CDH13: variants seen among roughly 807,000 people sequenced by gnomAD.
The protein encoded by CDH13 is cadherin-13.
CDH13 carries 24 observed loss-of-function variants against 63.8 expected under a neutral mutation model. The observed-to-expected ratio is 0.38, with a 90% confidence interval of 0.27 to 0.53. The LOEUF (loss-of-function observed/expected upper bound fraction) is 0.53, where lower values mean the gene tolerates loss of function less well. Ranked by LOEUF, CDH13 falls within the 20% of genes least tolerant of loss-of-function variation. The pLI is 0.85. For missense variants in CDH13, 1,049 were observed against 903.1 expected (o/e 1.16, Z -2.07); for synonymous variants, 503 against 355.3 (o/e 1.42, Z -4.67).
chr16:82,800,350 G>C (rs1051969755), intron 1 of CDH13, among the ~76,000 whole-genome samples: 5 of 152,118 alleles, frequency 3.3e-5, no homozygotes, highest in African/African-American at 9.7e-5. Flanking sequence ...TAGCCAGTCT[G>C]AGGCAAAAGC....
intron 1 of CDH13, among the ~76,000 whole-genome samples, chr16:82,673,868 C>G (rs567470732): frequency 6.6e-6 from 1 of 152,164 alleles, no homozygotes; most frequent in Admixed American, 6.5e-5. Flanking sequence ...ACTCCAGGTC[C>G]TCAAAAACTG....
intron 2 of CDH13, among the ~76,000 whole-genome samples, chr16:83,004,865 T>A (rs188599232): frequency 6.6e-6 from 1 of 152,342 alleles, no homozygotes; most frequent in East Asian, 1.9e-4. Flanking sequence ...TACAGCAGCT[T>A]TGTGATTCCA....
At chr16:82,968,862 G>A (rs766761975) in intron 2 of CDH13, among the ~76,000 whole-genome samples, 1 of 152,214 alleles carries the variant, frequency 6.6e-6, no homozygotes, top group African/African-American at 2.4e-5. Context: ...GCTCACGCCT[G>A]TAATCCCAGC....
chr16:83,386,295 C>T (rs2091673118), intron 6 of CDH13, among the ~76,000 whole-genome samples: 1 of 152,174 alleles, frequency 6.6e-6, no homozygotes, highest in Non-Finnish European at 1.5e-5. Context: ...CCAGACAAAA[C>T]CAGCATCAGG....
intron 5 of CDH13, among the ~76,000 whole-genome samples, chr16:83,313,795 T>C (rs2090049685): frequency 1.3e-5 from 2 of 152,218 alleles, no homozygotes; most frequent in African/African-American, 4.8e-5. Flanking sequence ...TGGAATTGGC[T>C]AAGGAAGAAC....
At chr16:83,476,023 A>T (rs1172120582) in intron 6 of CDH13, among the ~76,000 whole-genome samples, 2 of 152,234 alleles carry the variant, frequency 1.3e-5, no homozygotes. Context: ...TCAATTATTT[A>T]CCTGCTTCCT....
intron 7 of CDH13, among the ~76,000 whole-genome samples, chr16:83,515,092 G>T (rs1216031580): frequency 6.6e-6 from 1 of 152,202 alleles, no homozygotes; most frequent in Admixed American, 6.5e-5. Flanking sequence ...CTCATCTTGT[G>T]CTGTGTCGTA....
At chr16:83,112,315 G>C (rs929935535) in intron 3 of CDH13, among the ~76,000 whole-genome samples, 1 of 152,198 alleles carries the variant, frequency 6.6e-6, no homozygotes, top group African/African-American at 2.4e-5. Flanking sequence ...AAGACATTCA[G>C]AGATCCAGGC....
chr16:83,281,097 TG>T (rs1489950374), intron 5 of CDH13, among the ~76,000 whole-genome samples: 1 of 152,216 alleles, frequency 6.6e-6, no homozygotes, highest in Non-Finnish European at 1.5e-5. Flanking sequence ...TCTCTAGCTA[TG>T]AAAGTCCTAC....
chr16:82,752,261 T>A (rs1014584467), intron 1 of CDH13, among the ~76,000 whole-genome samples: 1 of 152,144 alleles, frequency 6.6e-6, no homozygotes, highest in Non-Finnish European at 1.5e-5. Flanking sequence ...ATGGAACTAA[T>A]AGTGGATTTC....
chr16:83,620,252 G>A (rs1016050151), intron 8 of CDH13, among the ~76,000 whole-genome samples: 4 of 151,996 alleles, frequency 2.6e-5, no homozygotes, highest in East Asian at 1.9e-4. Context: ...TTAGCCGGGC[G>A]TGGTGGCATG....
intron 11 of CDH13, among the ~76,000 whole-genome samples, chr16:83,757,654 C>T (rs1223948816): frequency 6.6e-6 from 1 of 152,018 alleles, no homozygotes; most frequent in Non-Finnish European, 1.5e-5. Context: ...ATTGTAAACT[C>T]ATATCGAAAC....
At chr16:83,077,564 C>T (rs1264927477) in intron 3 of CDH13, among the ~76,000 whole-genome samples, 1 of 152,130 alleles carries the variant, frequency 6.6e-6, no homozygotes, top group Non-Finnish European at 1.5e-5. Context: ...AGGTAATATT[C>T]TGTCACCTGG....
chr16:83,365,911 T>G (rs1307785904), intron 6 of CDH13, among the ~76,000 whole-genome samples: 4 of 152,098 alleles, frequency 2.6e-5, no homozygotes, highest in Non-Finnish European at 5.9e-5. Flanking sequence ...CCCCAGGGAC[T>G]CCAATAAGGA....
At chr16:83,063,869 G>A (rs1173092955) in intron 3 of CDH13, among the ~76,000 whole-genome samples, 1 of 152,046 alleles carries the variant, frequency 6.6e-6, no homozygotes, top group African/African-American at 2.4e-5. Flanking sequence ...AACTTCAAAG[G>A]CAATTGTGTA....
intron 3 of CDH13, among the ~76,000 whole-genome samples, chr16:83,111,867 C>T (rs1220437148): frequency 6.6e-6 from 1 of 152,186 alleles, no homozygotes; most frequent in Non-Finnish European, 1.5e-5. Context: ...ATATGAACTT[C>T]TCCCTGATGA....
chr16:83,196,552 T>C (rs2038885399), intron 4 of CDH13, among the ~76,000 whole-genome samples: 1 of 152,178 alleles, frequency 6.6e-6, no homozygotes, highest in Non-Finnish European at 1.5e-5. Flanking sequence ...AAAGGATTAG[T>C]ATCTAGGATA....
At chr16:83,238,268 G>A (rs549978726) in intron 5 of CDH13, among the ~76,000 whole-genome samples, 2 of 152,042 alleles carry the variant, frequency 1.3e-5, no homozygotes, top group African/African-American at 4.8e-5. Context: ...CCACATGTCT[G>A]GGGAGGCCTC....
chr16:82,647,477 C>T (rs546736153), intron 1 of CDH13, among the ~76,000 whole-genome samples: 1 of 152,166 alleles, frequency 6.6e-6, no homozygotes, highest in African/African-American at 2.4e-5. Flanking sequence ...GAAAAGGAAA[C>T]AGACGAGGGG....
Sources: gnomAD v4.1 joint callset for allele counts (sites outside exome capture counted in the v4.1 genomes callset) on GRCh38, gnomAD v4.1.1 for gene constraint, MANE v1.5 for transcripts, NCBI Gene and HGNC (gene_info 2026-07-23, HGNC 2026-07-21) for gene names.